Variants in MTREX observed in about 807,000 individuals in gnomAD.
The protein encoded by MTREX is Mtr4 exosome RNA helicase, also known as exosome RNA helicase MTR4.
In MTREX, 76 loss-of-function variants were observed where a neutral mutation model predicts 135.4. The observed-to-expected ratio is 0.56, with a 90% confidence interval of 0.47 to 0.68. The LOEUF (loss-of-function observed/expected upper bound fraction) is 0.68. Ranked by LOEUF, MTREX falls within the 30% of genes least tolerant of loss-of-function variation. The probability of loss-of-function intolerance (pLI) is 0.00; values close to 1 mark genes in which losing one functional copy is unlikely to be tolerated. For synonymous variants in MTREX, 404 were observed against 401.6 expected (o/e 1.01, Z -0.07); for missense variants, 920 against 1,262.1 (o/e 0.73, Z 4.11).
intron 10 of MTREX, among the ~76,000 whole-genome samples, chr5:55,346,397 G>C (rs1041356173): frequency 1.3e-5 from 2 of 152,166 alleles, no homozygotes; most frequent in Non-Finnish European, 2.9e-5. Context: ...TAGGTAATGG[G>C]TAAATGAAAC....
chr5:55,346,555 T>C (rs1232711014), intron 10 of MTREX, among the ~76,000 whole-genome samples: 2 of 152,242 alleles, frequency 1.3e-5, no homozygotes, highest in Non-Finnish European at 2.9e-5. Flanking sequence ...GGTATCTTAA[T>C]GTGGTTTCAG....
intron 7 of MTREX, among the ~76,000 whole-genome samples, chr5:55,342,843 A>G (rs901751070): frequency 2.0e-5 from 3 of 152,232 alleles, no homozygotes; most frequent in African/African-American, 7.2e-5. Flanking sequence ...GAAGCTGTCA[A>G]ACTTTTTCCG....
At chr5:55,311,829 A>G (rs142406286) in intron 1 of MTREX, among the ~76,000 whole-genome samples, 30 of 152,338 alleles carry the variant, frequency 2.0e-4, no homozygotes, top group African/African-American at 7.0e-4. Flanking sequence ...GAAAGATATT[A>G]AAATTTATTT....
chr5:55,383,070 G>A (rs1211212138), intron 18 of MTREX, among the ~76,000 whole-genome samples: 1 of 152,156 alleles, frequency 6.6e-6, no homozygotes, highest in Admixed American at 6.5e-5. Flanking sequence ...TGGAGTTACT[G>A]CCTTAACCTT....
chr5:55,373,308 A>G (rs778487980), intron 16 of MTREX, among the ~76,000 whole-genome samples: 2 of 151,604 alleles, frequency 1.3e-5, no homozygotes, highest in African/African-American at 2.4e-5. Flanking sequence ...TTTTTACTCC[A>G]TTAGTATTAG....
intron 11 of MTREX, among the ~76,000 whole-genome samples, chr5:55,348,788 A>T (rs1283419259): frequency 1.3e-5 from 2 of 152,218 alleles, no homozygotes. Context: ...TGATTAACAA[A>T]TATTTATTCA....
chr5:55,402,852 A>T (rs28404564), intron 21 of MTREX, among the ~76,000 whole-genome samples: 1 of 114,490 alleles, frequency 8.7e-6, no homozygotes, highest in Non-Finnish European at 1.9e-5. Flanking sequence ...ATGTGTATGT[A>T]TGTGTGTGTG....
intron 15 of MTREX, among the ~76,000 whole-genome samples, chr5:55,365,714 G>C (rs771279303): frequency 5.3e-5 from 8 of 152,064 alleles, no homozygotes; most frequent in Non-Finnish European, 1.2e-4. Flanking sequence ...ACTTCTGAAG[G>C]CCCGGGCGCG....
intron 1 of MTREX, among the ~76,000 whole-genome samples, chr5:55,312,836 C>T (rs886983845): frequency 1.3e-5 from 2 of 152,098 alleles, no homozygotes; most frequent in Admixed American, 1.3e-4. Context: ...CATCATAAGT[C>T]TTTGATAGCT....
intron 19 of MTREX, among the ~76,000 whole-genome samples, chr5:55,396,161 G>A (rs1372527869): frequency 6.6e-6 from 1 of 152,160 alleles, no homozygotes; most frequent in Admixed American, 6.5e-5. Flanking sequence ...TTGGAATTCT[G>A]TGAAAATGTC....
chr5:55,402,415 A>G (rs1750735900), intron 21 of MTREX, among the ~76,000 whole-genome samples: 1 of 152,188 alleles, frequency 6.6e-6, no homozygotes. Flanking sequence ...TTATGTTTTC[A>G]CAACACAAGA....
intron 12 of MTREX, among the ~76,000 whole-genome samples, 189 bp downstream of exon 12, chr5:55,349,841 G>C (rs935368203): frequency 2.0e-5 from 3 of 152,184 alleles, no homozygotes; most frequent in African/African-American, 7.2e-5. Context: ...AAGATTTGCT[G>C]CCTGAAGGAA....
At chr5:55,397,372 A>T (rs1278632810) in intron 19 of MTREX, 44 bp from the exon 20 acceptor site, 1 of 1,248,382 alleles carries the variant, frequency 8.0e-7, no homozygotes, top group Admixed American at 1.9e-5. Flanking sequence ...GAATATGAAC[A>T]TGTGCAAATT....
At chr5:55,386,855 T>C (rs766117718) in intron 18 of MTREX, among the ~76,000 whole-genome samples, 1 of 152,120 alleles carries the variant, frequency 6.6e-6, no homozygotes, top group Non-Finnish European at 1.5e-5. Flanking sequence ...AGGGTTTTTT[T>C]CCTCCTCTGT....
chr5:55,320,753 C>T (rs1749275512), intron 1 of MTREX, among the ~76,000 whole-genome samples: 1 of 152,174 alleles, frequency 6.6e-6, no homozygotes, highest in Admixed American at 6.5e-5. Flanking sequence ...GGCTTTGGCT[C>T]AACATCGTTT....
At chr5:55,321,621 T>C (rs978813550) in intron 1 of MTREX, among the ~76,000 whole-genome samples, 1 of 150,154 alleles carries the variant, frequency 6.7e-6, no homozygotes, top group South Asian at 2.1e-4. Context: ...TTTTTTTTTT[T>C]TTTTCCTGAG....
intron 14 of MTREX, 52 bp downstream of exon 14, chr5:55,353,321 A>G (rs775287056): frequency 9.3e-6 from 11 of 1,180,568 alleles, no homozygotes; most frequent in Non-Finnish European, 1.1e-5. Flanking sequence ...GTTATACTAT[A>G]GATAACTGGC....
At chr5:55,351,830 A>G (rs1407892017) in intron 13 of MTREX, among the ~76,000 whole-genome samples, 1 of 151,440 alleles carries the variant, frequency 6.6e-6, no homozygotes, top group Non-Finnish European at 1.5e-5. Context: ...ATAAGTCTAT[A>G]TATGACTCAT....
chr5:55,339,772 A>T (rs990784309), intron 5 of MTREX, among the ~76,000 whole-genome samples: 3 of 152,186 alleles, frequency 2.0e-5, no homozygotes, highest in Non-Finnish European at 4.4e-5. Flanking sequence ...TTAGTAATCT[A>T]TTGCTATTAG....
Sources: allele counts gnomAD v4.1 joint callset (sites outside exome capture counted in the v4.1 genomes callset), GRCh38; gene constraint gnomAD v4.1.1; transcripts MANE v1.5; gene names NCBI Gene and HGNC (gene_info 2026-07-23, HGNC 2026-07-21).